FRS2: variants seen among roughly 807,000 people sequenced by gnomAD.
FRS2 encodes FGFR signalling adaptor.
A neutral mutation model predicts 43.9 loss-of-function variants in FRS2; 8 were observed. The observed-to-expected ratio is 0.18, with a 90% CI of 0.11 to 0.33. The LOEUF (loss-of-function observed/expected upper bound fraction) is 0.33, where lower values mean the gene tolerates loss of function less well. Among genes scored for constraint, FRS2 ranks in the 10% least tolerant of loss-of-function variants. FRS2 has a pLI of 1.00. For synonymous variants in FRS2, 219 were observed against 220.3 expected (o/e 0.99, Z 0.05); for missense variants, 534 against 627.6 (o/e 0.85, Z 1.59).
intron 1 of FRS2, among the ~76,000 whole-genome samples, chr12:69,503,329 C>G (rs536988849): frequency 6.6e-6 from 1 of 152,202 alleles, no homozygotes; most frequent in East Asian, 1.9e-4. Context: ...TCTAGACCCA[C>G]GTTTGAAGGA....
intron 1 of FRS2, among the ~76,000 whole-genome samples, chr12:69,527,904 G>C (rs541029964): frequency 6.6e-6 from 1 of 152,280 alleles, no homozygotes; most frequent in African/African-American, 2.4e-5. Flanking sequence ...TGGAACCCCT[G>C]CTAATTGTTT....
intron 3 of FRS2, among the ~76,000 whole-genome samples, chr12:69,557,617 T>TGCGCGCGC (rs1377444472): frequency 5.1e-5 from 6 of 117,094 alleles, no homozygotes; most frequent in South Asian, 3.4e-4. Flanking sequence ...TGTGTGTGTG[T>TGCGCGCGC]GTGCGCGCGC....
At chr12:69,546,951 G>A (rs773975455) in intron 3 of FRS2, among the ~76,000 whole-genome samples, 1 of 152,212 alleles carries the variant, frequency 6.6e-6, no homozygotes, top group Non-Finnish European at 1.5e-5. Flanking sequence ...GTAGCCGAAG[G>A]TGGAAGCAAC....
intron 1 of FRS2, among the ~76,000 whole-genome samples, chr12:69,501,840 T>C (rs2135546811): frequency 6.6e-6 from 1 of 152,228 alleles, no homozygotes; most frequent in East Asian, 1.9e-4. Flanking sequence ...AAAACACCAT[T>C]CTATTGTTGT....
At chr12:69,513,897 A>G (rs1592966874) in intron 1 of FRS2, among the ~76,000 whole-genome samples, 1 of 152,184 alleles carries the variant, frequency 6.6e-6, no homozygotes. Flanking sequence ...TTCCTTTGAA[A>G]TAAATCTAAA....
chr12:69,556,902 A>G (rs538980224), intron 3 of FRS2, among the ~76,000 whole-genome samples: 8 of 152,232 alleles, frequency 5.3e-5, no homozygotes, highest in South Asian at 2.1e-4. Context: ...TAAAATTCGT[A>G]CTGTGGTTTT....
rs562633561 is a variant in FRS2, at chr12:69,578,179, C to T, written c.*3224C>T. Reference sequence around the variant, plus strand: ...CGTGCTATTCCTAACCTATAATGCCCAAATGTTTTGTGCAATGTGTAGTGT... The same window carrying T: ...CGTGCTATTCCTAACCTATAATGCCTAAATGTTTTGTGCAATGTGTAGTGT... On this transcript the variant is annotated 3_prime_UTR_variant, in exon 9 of 9. Transcript: ENST00000549921. 2 of 152,626 alleles carry T rather than the reference C, an allele frequency of 1.3e-5. No individual in the cohort carries two copies. Among genetic ancestry groups the T allele is most frequent in the East Asian group, 1.9e-4 (1 of 5,188 alleles). The allele number at this position is 152,626 out of a possible 1,614,324, so 9.5% of individuals were successfully genotyped here. A position where few individuals can be genotyped will look rare whatever the true frequency, so the allele number is the denominator to read the frequency against.
chr12:69,494,842 C>T (rs935502459), intron 1 of FRS2, among the ~76,000 whole-genome samples: 2 of 152,122 alleles, frequency 1.3e-5, no homozygotes, highest in Admixed American at 6.6e-5. Context: ...GGTGCACTCT[C>T]GGCTCGCTGC....
At chr12:69,513,674 A>G (rs1307332838) in intron 1 of FRS2, among the ~76,000 whole-genome samples, 1 of 152,138 alleles carries the variant, frequency 6.6e-6, no homozygotes, top group Non-Finnish European at 1.5e-5. Flanking sequence ...ACAAAAGAGG[A>G]ATATATATGG....
chr12:69,505,201 A>G (rs1002851109), intron 1 of FRS2, among the ~76,000 whole-genome samples: 1 of 152,188 alleles, frequency 6.6e-6, no homozygotes, highest in Non-Finnish European at 1.5e-5. Context: ...TGAATATCAC[A>G]TGGTACCTAA....
At position 69,540,252 on chromosome 12, in the gene FRS2, C is replaced by CA. The variant is rs545126566; in HGVS notation, c.-122+8204dup. Among the ~76,000 whole-genome samples the CA allele has an allele frequency of 6.9e-3, 996 of 144,490 alleles. 10 individuals carry two copies. Among genetic ancestry groups the CA allele is most frequent in the African/African-American group, 0.024 (943 of 39,254 alleles). The allele number at this position is 144,490 out of a possible 152,430, so 94.8% of individuals were successfully genotyped here. ...TGGACGACAAAGCGAGACTCCATCT[C>CA]AAAAAAAATAAATAAAATTAAAAAA... On this transcript the variant is annotated intron_variant, in intron 3 of 8. Transcript: ENST00000549921.
intron 8 of FRS2, 122 bp downstream of exon 8, chr12:69,572,403 G>T: frequency 1.3e-6 from 1 of 764,990 alleles, no homozygotes; most frequent in Non-Finnish European, 2.1e-6. Flanking sequence ...AATTACTTTT[G>T]TAGTGAACAA....
At chr12:69,540,940 A>G (rs1054498835) in intron 3 of FRS2, among the ~76,000 whole-genome samples, 9 of 152,200 alleles carry the variant, frequency 5.9e-5, no homozygotes, top group Admixed American at 5.2e-4. Flanking sequence ...GAGGAGAGGC[A>G]TTCTACAAAA....
In FRS2 at chr12:69,527,343, A is replaced by ATTTTTTTTTTTT. The variant is rs1166365306; in HGVS notation, c.-260-3512_-260-3501dup. Reference sequence around the variant, plus strand: ...GAGCAAAGTTTTTTTTTTTTTAATGATTTTTTTTTTTTTTTTTTTTTAAAG... The same window carrying ATTTTTTTTTTTT: ...GAGCAAAGTTTTTTTTTTTTTAATGATTTTTTTTTTTTTTTTTTTTTTTTTTTTTTTTTAAAG... On this transcript the variant is annotated intron_variant, in intron 1 of 8. Coordinates refer to ENST00000549921, the MANE Select transcript of FRS2 (RefSeq NM_001278356.2). 4.7e-3 allele frequency among the ~76,000 whole-genome samples: 396 copies of ATTTTTTTTTTTT among 84,212 alleles called. 23 individuals are homozygous for ATTTTTTTTTTTT. Among genetic ancestry groups the ATTTTTTTTTTTT allele is most frequent in the Middle Eastern group, 0.029 (2 of 70 alleles). The allele number at this position is 84,212 out of a possible 152,430, so 55.2% of individuals were successfully genotyped here.
At chr12:69,572,028 C>A in intron 7 of FRS2, 90 bp from the exon 8 acceptor site, 1 of 909,536 alleles carries the variant, frequency 1.1e-6, no homozygotes, top group East Asian at 2.6e-5. Context: ...GAAAGACCTC[C>A]TATAATCCTC....
intron 1 of FRS2, among the ~76,000 whole-genome samples, chr12:69,476,771 T>TGG (rs1350672745): frequency 1.3e-5 from 1 of 75,102 alleles, no homozygotes; most frequent in Non-Finnish European, 2.7e-5. Flanking sequence ...GGTGTGGGGG[T>TGG]GGGGAACTTA....
At chr12:69,517,962 A>AT (rs1276616286) in intron 1 of FRS2, among the ~76,000 whole-genome samples, 1 of 151,594 alleles carries the variant, frequency 6.6e-6, no homozygotes, top group East Asian at 1.9e-4. Flanking sequence ...TCTTCTTAGC[A>AT]TTTTTTTCCT....
At position 69,475,197 on chromosome 12, in the gene FRS2, C is replaced by T. The variant is rs565079258; in HGVS notation, c.-261+4667C>T. On this transcript the variant is annotated intron_variant, in intron 1 of 8. Transcript: ENST00000549921. ...TGCAGAATGAGGCTTAGAGTTGTAACTTTTTGAGGGCAAGTTTATTATTTT... is the reference window on the plus strand; with the variant it reads ...TGCAGAATGAGGCTTAGAGTTGTAATTTTTTGAGGGCAAGTTTATTATTTT... Among the ~76,000 whole-genome samples, 28 of 152,270 alleles carry T rather than the reference C, an allele frequency of 1.8e-4. No homozygotes were observed. In the South Asian group the frequency reaches 5.0e-3, roughly 27 times the overall value.
intron 1 of FRS2, among the ~76,000 whole-genome samples, chr12:69,504,408 C>T (rs1329726514): frequency 6.6e-6 from 1 of 152,032 alleles, no homozygotes; most frequent in East Asian, 1.9e-4. Context: ...AAGCATAGAA[C>T]CAGGAGACTG....
Sources: gnomAD v4.1 joint callset for allele counts (sites outside exome capture counted in the v4.1 genomes callset) on GRCh38, gnomAD v4.1.1 for gene constraint, MANE v1.5 for transcripts, NCBI Gene and HGNC (gene_info 2026-07-23, HGNC 2026-07-21) for gene names.